Variants in RMND5A observed in about 807,000 individuals in gnomAD.
RMND5A encodes the protein E3 ubiquitin-protein transferase RMND5A.
A neutral mutation model predicts 49.7 loss-of-function variants in RMND5A; 17 were observed. The observed-to-expected ratio is 0.34, with a 90% CI of 0.23 to 0.51. RMND5A has a LOEUF of 0.51. RMND5A is among the 20% of genes least tolerant of loss of function. The pLI, the probability that RMND5A is intolerant of heterozygous loss-of-function variation, is 0.96. For missense variants in RMND5A, 255 were observed against 471.3 expected (o/e 0.54, Z 4.25); for synonymous variants, 156 against 167.7 (o/e 0.93, Z 0.54).
At chr2:86,762,857 A>G (rs1284378806) in intron 4 of RMND5A, among the ~76,000 whole-genome samples, 3 of 151,612 alleles carry the variant, frequency 2.0e-5, no homozygotes, top group Non-Finnish European at 4.4e-5. Context: ...CCTGGGCAAC[A>G]TGGTGAAACC....
At chr2:86,732,812 C>T (rs1280632544) in intron 1 of RMND5A, among the ~76,000 whole-genome samples, 3 of 111,802 alleles carry the variant, frequency 2.7e-5, no homozygotes, top group South Asian at 2.8e-4. Flanking sequence ...TGGGAGAGGT[C>T]ATTATTTGGA....
intron 7 of RMND5A, 96 bp from the exon 8 acceptor site, chr2:86,771,462 T>C: frequency 9.5e-7 from 1 of 1,051,612 alleles, no homozygotes; most frequent in African/African-American, 1.6e-5. Context: ...TGAATAGATC[T>C]GATCAATGTT....
At chr2:86,725,239 C>T (rs1681271136) in intron 1 of RMND5A, among the ~76,000 whole-genome samples, 1 of 142,190 alleles carries the variant, frequency 7.0e-6, no homozygotes, top group Non-Finnish European at 1.5e-5. Flanking sequence ...TCCATTCAAA[C>T]AATGAAAAAG....
intron 5 of RMND5A, 70 bp downstream of exon 5, chr2:86,765,263 T>A: frequency 7.6e-7 from 1 of 1,324,346 alleles, no homozygotes; most frequent in Non-Finnish European, 1.0e-6. Flanking sequence ...TTAACAGTTC[T>A]TAACTAGAGC....
chr2:86,751,092 A>G (rs1681626462), intron 2 of RMND5A, among the ~76,000 whole-genome samples: 2 of 152,094 alleles, frequency 1.3e-5, no homozygotes, highest in Non-Finnish European at 2.9e-5. Flanking sequence ...AGTATCTTGA[A>G]CATTTTGAAT....
chr2:86,729,128 T>G (rs1259356191), intron 1 of RMND5A, among the ~76,000 whole-genome samples: 1 of 152,252 alleles, frequency 6.6e-6, no homozygotes, highest in Non-Finnish European at 1.5e-5. Flanking sequence ...AATACCACTC[T>G]GTGTCCAGTG....
chr2:86,761,806 G>A (rs1021248055), intron 4 of RMND5A, among the ~76,000 whole-genome samples: 2 of 152,150 alleles, frequency 1.3e-5, no homozygotes, highest in Non-Finnish European at 2.9e-5. Flanking sequence ...TTGGCAAGGA[G>A]TGGGGAGGAA....
intron 2 of RMND5A, among the ~76,000 whole-genome samples, chr2:86,750,086 A>G (rs997510815): frequency 1.3e-5 from 2 of 152,228 alleles, no homozygotes; most frequent in Non-Finnish European, 2.9e-5. Flanking sequence ...GGCCTTGTCT[A>G]GTTAAGTTTA....
chr2:86,758,161 CACA>C (rs35723265), intron 4 of RMND5A, among the ~76,000 whole-genome samples: 99,834 of 151,558 alleles, frequency 0.66, 33,027 homozygotes, highest in East Asian at 0.88. Flanking sequence ...AATCAAAAGG[CACA>C]ACAAGATAAA....
intron 5 of RMND5A, 62 bp from the exon 6 acceptor site, chr2:86,765,797 C>T: frequency 6.8e-7 from 1 of 1,477,580 alleles, no homozygotes; most frequent in South Asian, 1.2e-5. Context: ...TGGGGGTATT[C>T]TTGCTTTTCG....
At chr2:86,748,577 T>C (rs1681579030) in intron 2 of RMND5A, 1 of 152,214 alleles carries the variant, frequency 6.6e-6, no homozygotes, top group Admixed American at 6.5e-5. Context: ...GGCATTGTTG[T>C]AAAACTTTGT....
At chr2:86,762,544 C>A (rs902655760) in intron 4 of RMND5A, among the ~76,000 whole-genome samples, 1 of 151,678 alleles carries the variant, frequency 6.6e-6, no homozygotes, top group African/African-American at 2.4e-5. Context: ...ACTTGGGAGG[C>A]CGAGGCAGGA....
At chr2:86,756,062 C>T (rs1681734419) in intron 4 of RMND5A, among the ~76,000 whole-genome samples, 1 of 152,044 alleles carries the variant, frequency 6.6e-6, no homozygotes, top group South Asian at 2.1e-4. Flanking sequence ...TAATAGTCCC[C>T]CAGTATTCTC....
intron 1 of RMND5A, among the ~76,000 whole-genome samples, chr2:86,725,264 A>G (rs1681271480): frequency 6.8e-6 from 1 of 147,724 alleles, no homozygotes; most frequent in African/African-American, 2.5e-5. Flanking sequence ...CCCAGTGAAT[A>G]GTACATTCAA....
At chr2:86,768,379 C>A (rs764600472) in intron 6 of RMND5A, among the ~76,000 whole-genome samples, 29 of 152,192 alleles carry the variant, frequency 1.9e-4, no homozygotes, top group Non-Finnish European at 3.5e-4. Context: ...CCACAGGGTG[C>A]TCCATCCTAG....
chr2:86,768,408 C>T (rs989591630), intron 6 of RMND5A, among the ~76,000 whole-genome samples: 3 of 152,160 alleles, frequency 2.0e-5, no homozygotes, highest in Non-Finnish European at 2.9e-5. Flanking sequence ...TGGACAGATG[C>T]AATTAGCTAT....
rs745985415 is a variant in RMND5A at position 86,775,328 on chromosome 2, C to CTTTTTT, written c.*1933_*1938dup. 1 of 27,728 alleles carries CTTTTTT rather than the reference C, an allele frequency of 3.6e-5. No homozygotes were observed. Among genetic ancestry groups the CTTTTTT allele is most frequent in the Non-Finnish European group, 8.0e-5 (1 of 12,466 alleles). 1.7% of individuals were successfully genotyped at this position (27,728 alleles called of 1,614,324 possible). A position where few individuals can be genotyped will look rare whatever the true frequency, so the allele number is the denominator to read the frequency against. ...TAGAGTGTTGTATTTTTCTTTCTTT[C>CTTTTTT]TTTTTTTTTTTTTTTTTTTTTACCC... is the stretch of plus-strand genomic sequence containing the variant. On this transcript the variant is annotated 3_prime_UTR_variant, in exon 9 of 9. Coordinates refer to ENST00000283632, the MANE Select transcript of RMND5A (RefSeq NM_022780.4).
chr2:86,747,083 G>A (rs1681549716), intron 2 of RMND5A, among the ~76,000 whole-genome samples: 1 of 152,102 alleles, frequency 6.6e-6, no homozygotes, highest in South Asian at 2.1e-4. Context: ...GCTTTACTAG[G>A]TATTGTAAAA....
intron 6 of RMND5A, among the ~76,000 whole-genome samples, 166 bp downstream of exon 6, chr2:86,766,190 A>G (rs974609531): frequency 6.6e-5 from 10 of 152,218 alleles, no homozygotes; most frequent in Non-Finnish European, 1.5e-4. Flanking sequence ...GCTGTTTTAG[A>G]GAAGCAGTTT....
Sources: allele counts gnomAD v4.1 joint callset (sites outside exome capture counted in the v4.1 genomes callset), GRCh38; gene constraint gnomAD v4.1.1; transcripts MANE v1.5; gene names NCBI Gene and HGNC (gene_info 2026-07-23, HGNC 2026-07-21).